Variants in ABAT observed in about 807,000 individuals in gnomAD.
The protein encoded by ABAT is 4-aminobutyrate aminotransferase.
A neutral mutation model predicts 64.6 loss-of-function variants in ABAT; 45 were observed. That is an observed-to-expected ratio of 0.70 (90% CI 0.55 to 0.89). The LOEUF (loss-of-function observed/expected upper bound fraction) is 0.89, where lower values mean the gene tolerates loss of function less well. ABAT is among the 40% of genes least tolerant of loss of function. ABAT has a pLI of 0.00. For synonymous variants in ABAT, 297 were observed against 250.5 expected, an observed-to-expected ratio of 1.19 and a Z score of -1.75; for missense variants, 633 against 658.4, an observed-to-expected ratio of 0.96 and a Z score of 0.42.
chr16:8,727,938 G>A (rs890182286), intron 1 of ABAT, among the ~76,000 whole-genome samples: 1 of 152,156 alleles, frequency 6.6e-6, no homozygotes, highest in African/African-American at 2.4e-5. Flanking sequence ...AGGCATGATG[G>A]CACATGCCTG....
At chr16:8,733,872 G>A (rs533500128) in intron 1 of ABAT, among the ~76,000 whole-genome samples, 1 of 152,370 alleles carries the variant, frequency 6.6e-6, no homozygotes, top group South Asian at 2.1e-4. Context: ...GGTTTCATAT[G>A]ACAGGAATCA....
chr16:8,761,785 C>G (rs1452388241), intron 6 of ABAT, among the ~76,000 whole-genome samples: 1 of 152,128 alleles, frequency 6.6e-6, no homozygotes, highest in Admixed American at 6.5e-5. Flanking sequence ...TCTGCTTGTA[C>G]AGGGCAGGTT....
chr16:8,691,428 G>C (rs1279743976), intron 1 of ABAT, among the ~76,000 whole-genome samples: 1 of 151,952 alleles, frequency 6.6e-6, no homozygotes, highest in African/African-American at 2.4e-5. Context: ...TGCTGCAACT[G>C]TGCTCCCCAG....
intron 1 of ABAT, among the ~76,000 whole-genome samples, chr16:8,721,414 CG>C (rs1321217890): frequency 6.6e-6 from 1 of 152,134 alleles, no homozygotes; most frequent in Non-Finnish European, 1.5e-5. Context: ...GAGCTTCCCC[CG>C]GTGCCCAGGT....
chr16:8,759,512 G>A lies in ABAT; in HGVS notation c.366+1706G>A, dbSNP rs575905086. 4.0e-5 allele frequency among the ~76,000 whole-genome samples: 6 copies of A among 151,804 alleles called. No homozygotes were observed. The South Asian group carries it at 1.0e-3, about 26-fold the overall frequency. ...CAGATTGCTGTATTTCTCCAGTTTT[G>A]TTTGCTTGTTTTTTTCTTGAGACAG... On this transcript the variant is annotated intron_variant, in intron 6 of 15. Transcript: ENST00000268251.
At chr16:8,722,390 C>T (rs1277656199) in intron 1 of ABAT, among the ~76,000 whole-genome samples, 1 of 152,226 alleles carries the variant, frequency 6.6e-6, no homozygotes, top group Non-Finnish European at 1.5e-5. Context: ...GCTGATCCAT[C>T]TGCCTCGGCA....
intron 1 of ABAT, among the ~76,000 whole-genome samples, chr16:8,707,819 C>A (rs1273531196): frequency 6.6e-6 from 1 of 152,250 alleles, no homozygotes; most frequent in East Asian, 1.9e-4. Context: ...AACCTCCAGC[C>A]TTGGCCTCCC....
chr16:8,718,260 AAG>A (rs2142146955), intron 1 of ABAT, among the ~76,000 whole-genome samples: 1 of 152,354 alleles, frequency 6.6e-6, no homozygotes, highest in South Asian at 2.1e-4. Context: ...CAGTATTCCC[AAG>A]AGAGTGAACA....
chr16:8,687,752 G>A (rs1468161204), intron 1 of ABAT, among the ~76,000 whole-genome samples: 1 of 152,208 alleles, frequency 6.6e-6, no homozygotes, highest in Non-Finnish European at 1.5e-5. Context: ...AAGCAGCTGT[G>A]CTGCTGGCTC....
rs369154175 is a variant in ABAT at position 8,766,306 on chromosome 16, G to A, written c.603+36G>A. The A allele has an allele frequency of 7.2e-4, 1,147 of 1,602,624 alleles. 15 individuals are homozygous for A. The South Asian group carries it at 0.01, about 14-fold the overall frequency. On this transcript the variant is annotated intron_variant, in intron 9 of 15. Coordinates refer to ENST00000268251, the MANE Select transcript of ABAT (RefSeq NM_020686.6). ...CTGGGCTTGCACCACGTACATCTGG[G>A]GAAGCTGCACAGCCTCTCCCGGGCT... is the stretch of plus-strand genomic sequence containing the variant.
chr16:8,764,922 G>A lies in ABAT; in HGVS notation c.540+92G>A. ...CTTGTCTGACTGTTCATTCCAATGG[G>A]CTGGAGTATTAGACATCAGTACCAG... On this transcript the variant is annotated intron_variant, in intron 8 of 15. Transcript: ENST00000268251. The surrounding 1 kb of genome is among the most constrained non-coding windows in gnomAD (Gnocchi z 4.2). 1 of 1,191,588 alleles carries A rather than the reference G, an allele frequency of 8.4e-7. No homozygotes were observed. Among genetic ancestry groups the A allele is most frequent in the Non-Finnish European group, 1.2e-6 (1 of 804,576 alleles). The allele number at this position is 1,191,588 out of a possible 1,614,324, so 73.8% of individuals were successfully genotyped here.
chr16:8,729,102 T>G (rs1378586307), intron 1 of ABAT, among the ~76,000 whole-genome samples: 4 of 151,176 alleles, frequency 2.6e-5, no homozygotes, highest in South Asian at 2.1e-4. Flanking sequence ...AGCTCAGGAG[T>G]TCAAGACCAT....
chr16:8,695,836 A>G (rs1301974225), intron 1 of ABAT, among the ~76,000 whole-genome samples: 1 of 152,238 alleles, frequency 6.6e-6, no homozygotes, highest in African/African-American at 2.4e-5. Context: ...CACCAGCTCA[A>G]TGCCAGTTCT....
intron 12 of ABAT, among the ~76,000 whole-genome samples, chr16:8,773,586 A>G (rs1003067785): frequency 2.0e-5 from 3 of 152,186 alleles, no homozygotes; most frequent in South Asian, 4.1e-4. Flanking sequence ...ATCCACTCCT[A>G]TTTTGAACTA....
chr16:8,706,558 A>G (rs958730723), intron 1 of ABAT, among the ~76,000 whole-genome samples: 1 of 152,032 alleles, frequency 6.6e-6, no homozygotes, highest in African/African-American at 2.4e-5. Flanking sequence ...TACTAAAAAT[A>G]CAAAAATTAG....
chr16:8,712,748 C>G (rs2058105135), intron 1 of ABAT: 1 of 152,104 alleles, frequency 6.6e-6, no homozygotes, highest in Non-Finnish European at 1.5e-5. Flanking sequence ...CGGTATCTGG[C>G]TTGTAATAAT....
At position 8,732,979 on chromosome 16, in the gene ABAT, G is replaced by A. The variant is rs1413052500; in HGVS notation, c.-41-2720G>A. 6.9e-5 allele frequency among the ~76,000 whole-genome samples: 10 copies of A among 145,534 alleles called. 1 individual carries two copies. The highest frequency in any genetic ancestry group is 1.0e-4 in the Non-Finnish European group (7 of 67,054). On this transcript the variant is annotated intron_variant, in intron 1 of 15. Transcript: ENST00000268251. ...GGGGCGGCTGGCCGGGCGGGGGGCT[G>A]ATGCCCCCACCTCCCTCCCGGACGG...
At chr16:8,740,608 G>T (rs894693431) in intron 2 of ABAT, among the ~76,000 whole-genome samples, 1 of 152,216 alleles carries the variant, frequency 6.6e-6, no homozygotes, top group Non-Finnish European at 1.5e-5. Flanking sequence ...GCATTTTCCT[G>T]CTTCTCCATG....
intron 6 of ABAT, among the ~76,000 whole-genome samples, chr16:8,759,778 A>C (rs2059743737): frequency 6.6e-6 from 1 of 152,344 alleles, no homozygotes. Flanking sequence ...TCCTGGGCTC[A>C]AGTAATCCTC....
Sources: gnomAD v4.1 joint callset for allele counts (sites outside exome capture counted in the v4.1 genomes callset) on GRCh38, gnomAD v4.1.1 for gene constraint, Gnocchi (gnomAD v3.1) non-coding constraint, MANE v1.5 for transcripts, NCBI Gene and HGNC (gene_info 2026-07-23, HGNC 2026-07-21) for gene names.